EPHA3: variants seen among roughly 807,000 people sequenced by gnomAD.
EPHA3 encodes the protein EPH receptor A3.
EPHA3 carries 42 observed loss-of-function variants against 107.1 expected under a neutral mutation model. The ratio of observed to expected loss-of-function variants is 0.39; its 90% CI spans 0.31 to 0.51. EPHA3 has a LOEUF of 0.51. Ranked by LOEUF, EPHA3 falls within the 20% of genes least tolerant of loss-of-function variation. The probability of loss-of-function intolerance (pLI) is 0.78; values close to 1 mark genes in which losing one functional copy is unlikely to be tolerated. For missense variants in EPHA3, 1,183 were observed against 1,211.2 expected (o/e 0.98, Z 0.35); for synonymous variants, 461 against 424.8 (o/e 1.09, Z -1.05).
At chr3:89,200,147 C>T (rs1221495537) in intron 2 of EPHA3, among the ~76,000 whole-genome samples, 1 of 152,046 alleles carries the variant, frequency 6.6e-6, no homozygotes, top group African/African-American at 2.4e-5. Flanking sequence ...GAGCCTGATA[C>T]ACAATATTCA....
At chr3:89,296,986 C>T (rs1706369038) in intron 3 of EPHA3, among the ~76,000 whole-genome samples, 1 of 152,194 alleles carries the variant, frequency 6.6e-6, no homozygotes, top group African/African-American at 2.4e-5. Context: ...ATTTCTTCTG[C>T]AGCTTTCTCA....
At chr3:89,159,086 A>G (rs1055713156) in intron 2 of EPHA3, among the ~76,000 whole-genome samples, 6 of 152,156 alleles carry the variant, frequency 3.9e-5, no homozygotes, top group African/African-American at 1.4e-4. Flanking sequence ...ATTTTGTACT[A>G]ATATGTCTGG....
At chr3:89,292,103 G>T (rs1418401025) in intron 3 of EPHA3, among the ~76,000 whole-genome samples, 1 of 152,078 alleles carries the variant, frequency 6.6e-6, no homozygotes, top group East Asian at 1.9e-4. Context: ...AGAAATCTCT[G>T]TAGTAAAGAT....
At chr3:89,436,327 C>T (rs1445911229) in intron 13 of EPHA3, among the ~76,000 whole-genome samples, 1 of 152,136 alleles carries the variant, frequency 6.6e-6, no homozygotes, top group Non-Finnish European at 1.5e-5. Context: ...TTTGCTGAGG[C>T]ATTCCTTTTG....
At chr3:89,224,012 G>T (rs1402010912) in intron 3 of EPHA3, among the ~76,000 whole-genome samples, 1 of 152,042 alleles carries the variant, frequency 6.6e-6, no homozygotes, top group Non-Finnish European at 1.5e-5. Flanking sequence ...GAATAATGAT[G>T]ATTATTTTAT....
At position 89,207,265 on chromosome 3, in the gene EPHA3, TAGA is replaced by T. The variant is rs774368094; in HGVS notation, c.154-2592_154-2590del. ...TTAATATTTTATTTTATTTTGTGAT[TAGA>T]AGGTGTGAATTAAAATTTCTGTGTC... On this transcript the variant is annotated intron_variant, in intron 2 of 16. Transcript: ENST00000336596. Among the ~76,000 whole-genome samples, 6 of 152,294 alleles carry T rather than the reference TAGA, an allele frequency of 3.9e-5. No individual in the cohort carries two copies. The South Asian group carries it at 6.2e-4, about 16-fold the overall frequency.
chr3:89,142,222 C>T (rs575509151), intron 2 of EPHA3, among the ~76,000 whole-genome samples: 3 of 151,286 alleles, frequency 2.0e-5, no homozygotes, highest in African/African-American at 4.8e-5. Flanking sequence ...ATCACTTTTT[C>T]CCCCAACGTT....
At chr3:89,208,477 A>AAAGAAAGAAG (rs1706178903) in intron 2 of EPHA3, among the ~76,000 whole-genome samples, 1 of 133,286 alleles carries the variant, frequency 7.5e-6, no homozygotes, top group Admixed American at 7.7e-5. Flanking sequence ...AAAGAAAGAA[A>AAAGAAAGAAG]GAAAGAGAAA....
At chr3:89,435,509 A>T (rs2107541241) in intron 13 of EPHA3, among the ~76,000 whole-genome samples, 1 of 146,112 alleles carries the variant, frequency 6.8e-6, no homozygotes, top group African/African-American at 2.5e-5. Context: ...ACTTTTATAT[A>T]TAAATGCTAT....
At chr3:89,340,818 A>G (rs1348674205) in intron 3 of EPHA3, 98 bp from the exon 4 acceptor site, 1 of 1,261,630 alleles carries the variant, frequency 7.9e-7, no homozygotes, top group African/African-American at 1.6e-5. Flanking sequence ...CTTGATTTTT[A>G]TTTATAATAA....
intron 5 of EPHA3, among the ~76,000 whole-genome samples, chr3:89,369,847 G>A (rs1708258417): frequency 6.7e-6 from 1 of 150,254 alleles, no homozygotes; most frequent in Admixed American, 6.6e-5. Context: ...GTGGGAAAAG[G>A]ACATGAACAG....
intron 15 of EPHA3, among the ~76,000 whole-genome samples, chr3:89,451,759 A>G (rs1347047449): frequency 1.3e-5 from 2 of 152,108 alleles, no homozygotes; most frequent in Non-Finnish European, 2.9e-5. Flanking sequence ...TTGGGTCTCA[A>G]TAATAGTATC....
At chr3:89,462,190 T>C (rs1710248293) in intron 15 of EPHA3, among the ~76,000 whole-genome samples, 2 of 34,068 alleles carry the variant, frequency 5.9e-5, no homozygotes, top group African/African-American at 1.7e-4. Context: ...GATCTATATC[T>C]CTGTTTTGGT....
chr3:89,241,318 C>T (rs1269440417), intron 3 of EPHA3, among the ~76,000 whole-genome samples: 3 of 152,144 alleles, frequency 2.0e-5, no homozygotes, highest in Non-Finnish European at 4.4e-5. Flanking sequence ...TCAGTGTTGA[C>T]CTACTGTAGC....
intron 15 of EPHA3, among the ~76,000 whole-genome samples, chr3:89,470,744 A>C (rs1241201768): frequency 6.6e-6 from 1 of 152,236 alleles, no homozygotes; most frequent in Non-Finnish European, 1.5e-5. Flanking sequence ...ACAGTGTACC[A>C]GTCAAGAATG....
At chr3:89,358,780 C>T (rs1559663156) in intron 5 of EPHA3, among the ~76,000 whole-genome samples, 1 of 151,180 alleles carries the variant, frequency 6.6e-6, no homozygotes, top group South Asian at 2.1e-4. Flanking sequence ...TGCTAAAAAA[C>T]TCGCATGCTG....
chr3:89,442,229 C>T (rs1435617501), intron 13 of EPHA3, among the ~76,000 whole-genome samples: 3 of 152,182 alleles, frequency 2.0e-5, no homozygotes, highest in Non-Finnish European at 4.4e-5. Flanking sequence ...GATATTATTA[C>T]ATCATCAAAA....
At chr3:89,478,561 G>T (rs1710564062) in intron 16 of EPHA3, among the ~76,000 whole-genome samples, 1 of 152,164 alleles carries the variant, frequency 6.6e-6, no homozygotes, top group African/African-American at 2.4e-5. Context: ...AGGCCAAGGT[G>T]CTTACATATG....
At chr3:89,332,652 AT>A (rs1707313219) in intron 3 of EPHA3, among the ~76,000 whole-genome samples, 2 of 152,178 alleles carry the variant, frequency 1.3e-5, no homozygotes, top group Non-Finnish European at 2.9e-5. Flanking sequence ...CATTTTGGGC[AT>A]AAACAGTTGC....
Sources: allele counts gnomAD v4.1 joint callset (sites outside exome capture counted in the v4.1 genomes callset), GRCh38; gene constraint gnomAD v4.1.1; transcripts MANE v1.5; gene names NCBI Gene and HGNC (gene_info 2026-07-23, HGNC 2026-07-21).